Variants in RBP4 observed in about 807,000 individuals in gnomAD.
RBP4 encodes retinol binding protein 4, also known as retinol-binding protein 4.
In RBP4, 9 loss-of-function variants were observed where a neutral mutation model predicts 26.2. The ratio of observed to expected loss-of-function variants is 0.34; its 90% CI spans 0.21 to 0.60. The LOEUF is 0.60. Among genes scored for constraint, RBP4 ranks in the 20% least tolerant of loss-of-function variants. The pLI is 0.80. For synonymous variants in RBP4, 114 were observed against 111.0 expected (o/e 1.03, Z -0.17); for missense variants, 244 against 271.3 (o/e 0.90, Z 0.71).
At position 93,600,282 on chromosome 10, in the gene RBP4, C is replaced by A. The variant is rs564101819; in HGVS notation, c.355+111G>T. On this transcript the variant is annotated intron_variant, in intron 4 of 5. Transcript: ENST00000371464. Reference sequence around the variant, plus strand: ...CTGCGGGTTCCTGACACTTCCAGACCTTTCCGCAGGCCATTCTTCCTAAGG... The same window carrying A: ...CTGCGGGTTCCTGACACTTCCAGACATTTCCGCAGGCCATTCTTCCTAAGG... 102 of 980,548 alleles carry A rather than the reference C, an allele frequency of 1.0e-4. No homozygotes were observed. In the African/African-American group the frequency reaches 1.5e-3, roughly 14 times the overall value. 60.7% of individuals were successfully genotyped at this position (980,548 alleles called of 1,614,324 possible).
At chr10:93,593,729 T>C (rs2058281951) in intron 5 of RBP4, 94 bp downstream of exon 5, 1 of 1,393,226 alleles carries the variant, frequency 7.2e-7, no homozygotes. Context: ...TTCTCTGGGG[T>C]ACGGACAAAA....
chr10:93,598,749 A>G (rs1215314630), intron 4 of RBP4, among the ~76,000 whole-genome samples: 1 of 152,236 alleles, frequency 6.6e-6, no homozygotes, highest in African/African-American at 2.4e-5. Flanking sequence ...ATCCTAGTCC[A>G]TTAAGGAGCA....
At chr10:93,595,164 GA>G (rs139973394) in intron 4 of RBP4, among the ~76,000 whole-genome samples, 565 of 152,170 alleles carry the variant, frequency 3.7e-3, no homozygotes, top group African/African-American at 0.013. Context: ...AAGAAAAAAA[GA>G]ATGTATGTGA....
chr10:93,595,485 A>G (rs1295648176), intron 4 of RBP4, among the ~76,000 whole-genome samples: 2 of 152,236 alleles, frequency 1.3e-5, no homozygotes, highest in South Asian at 2.1e-4. Flanking sequence ...GTGATCCCAG[A>G]GCCCACATGC....
At position 93,600,941 on chromosome 10, in the gene RBP4, T is replaced by G; in HGVS notation, c.88A>C (p.Lys30Gln). Residue 30 changes from lysine (K) to glutamine (Q), a missense_variant, in exon 2 of 6, where the codon AAG becomes CAG. Transcript: ENST00000371464. The part of the protein sequence containing the change: ...RDCRVSSFRV[K>Q]ENFDKARFSG... The stretch of plus-strand genomic sequence containing the variant: ...ACGCGAGCCTTGTCGAAGTTCTCCT[T>G]GACTCGGAAGCTGCTCACTCGGCAG... 1 of 1,612,488 alleles carries G rather than the reference T, an allele frequency of 6.2e-7. No homozygotes were observed. The highest frequency in any genetic ancestry group is 8.5e-7 in the Non-Finnish European group (1 of 1,179,764).
chr10:93,598,259 T>A (rs1264581014), intron 4 of RBP4, among the ~76,000 whole-genome samples: 1 of 152,238 alleles, frequency 6.6e-6, no homozygotes, highest in African/African-American at 2.4e-5. Flanking sequence ...AAAGAACTCA[T>A]GTCTCAGGCA....
In RBP4 at chr10:93,601,044, G is replaced by C; in HGVS notation, c.-16C>G. On this transcript the variant is annotated splice_region_variant and 5_prime_UTR_variant, in exon 2 of 6. Coordinates refer to ENST00000371464, the MANE Select transcript of RBP4 (RefSeq NM_006744.4). ...CCCACTTCATCTTGCCCAGGAATCC[G>C]CCCTGCGGGAGACGCGCCTCCGTCA... 1 of 1,607,424 alleles carries C rather than the reference G, an allele frequency of 6.2e-7. No homozygotes were observed. The highest frequency in any genetic ancestry group is 1.3e-5 in the African/African-American group (1 of 75,016).
intron 5 of RBP4, among the ~76,000 whole-genome samples, chr10:93,592,426 C>T (rs2058273405): frequency 6.6e-6 from 1 of 152,172 alleles, no homozygotes; most frequent in Non-Finnish European, 1.5e-5. Context: ...AGGCCACCCT[C>T]AGCTTTCAGG....
chr10:93,597,150 G>A (rs1446718903), intron 4 of RBP4, among the ~76,000 whole-genome samples: 1 of 152,214 alleles, frequency 6.6e-6, no homozygotes, highest in Non-Finnish European at 1.5e-5. Context: ...CTGGGTTTGA[G>A]TCCAGAAATG....
intron 5 of RBP4, among the ~76,000 whole-genome samples, chr10:93,593,051 C>T (rs1205883124): frequency 6.6e-6 from 1 of 152,188 alleles, no homozygotes; most frequent in Non-Finnish European, 1.5e-5. Context: ...CTCCTGACCT[C>T]ATGTGATCAG....
At chr10:93,597,757 C>T (rs945459662) in intron 4 of RBP4, among the ~76,000 whole-genome samples, 7 of 152,260 alleles carry the variant, frequency 4.6e-5, no homozygotes, top group Middle Eastern at 3.4e-3. Context: ...TCTCCATAAG[C>T]GCACCTCATT....
chr10:93,592,821 TA>T, intron 5 of RBP4, among the ~76,000 whole-genome samples: 1 of 150,962 alleles, frequency 6.6e-6, no homozygotes, highest in South Asian at 2.1e-4. Context: ...TGATTATTAT[TA>T]TTATTATTTT....
At chr10:93,592,277 T>G (rs878988167) in intron 5 of RBP4, among the ~76,000 whole-genome samples, 165 bp from the exon 6 acceptor site, 1 of 152,358 alleles carries the variant, frequency 6.6e-6, no homozygotes, top group East Asian at 1.9e-4. Flanking sequence ...CTGTAATTCA[T>G]AAACACCTTC....
At chr10:93,592,144 A>G (rs770114862) in intron 5 of RBP4, 32 bp from the exon 6 acceptor site, 1 of 1,608,800 alleles carries the variant, frequency 6.2e-7, no homozygotes, top group Non-Finnish European at 8.5e-7. Context: ...CATTAACGAC[A>G]GAAAGTGGAC....
intron 5 of RBP4, 55 bp downstream of exon 5, chr10:93,593,768 G>GTCCAAACCCACTGCCC: frequency 6.3e-7 from 1 of 1,583,678 alleles, no homozygotes; most frequent in Non-Finnish European, 8.6e-7. Flanking sequence ...GGGCCCCTTA[G>GTCCAAACCCACTGCCC]TCCAAACCCA....
Position 93,601,044 on chromosome 10 carries a change from G to A in RBP4, c.-16C>T. 2.5e-6 allele frequency: 4 copies of A among 1,607,424 alleles called. No individual in the cohort carries two copies. Among genetic ancestry groups the A allele is most frequent in the Non-Finnish European group, 3.4e-6 (4 of 1,179,560 alleles). ...CCCACTTCATCTTGCCCAGGAATCC[G>A]CCCTGCGGGAGACGCGCCTCCGTCA... On this transcript the variant is annotated splice_region_variant and 5_prime_UTR_variant, in exon 2 of 6. Transcript: ENST00000371464.
chr10:93,600,856 G>T, intron 2 of RBP4, 53 bp from the exon 3 acceptor site: 1 of 1,596,272 alleles, frequency 6.3e-7, no homozygotes, highest in Non-Finnish European at 8.5e-7. Flanking sequence ...ACGGCGGGCC[G>T]CGGGGAGGGC....
chr10:93,596,187 G>A (rs1243276125), intron 4 of RBP4, among the ~76,000 whole-genome samples: 4 of 150,426 alleles, frequency 2.7e-5, no homozygotes, highest in East Asian at 1.9e-4. Context: ...TAGCTTGGCC[G>A]ATCGGCAGCT....
chr10:93,600,823 AG>A lies in RBP4; in HGVS notation c.112-21del, dbSNP rs756433072. The A allele has an allele frequency of 7.5e-7, 1 of 1,325,148 alleles. No individual in the cohort carries two copies. Among genetic ancestry groups the A allele is most frequent in the Non-Finnish European group, 9.9e-7 (1 of 1,009,058 alleles). 82.1% of individuals were successfully genotyped at this position (1,325,148 alleles called of 1,614,324 possible). Reference sequence around the variant, plus strand: ...AGAGAACTGTGAGAAGGATGACAGCAGGGGTTTGGCGTCCGGGGGCGCACGG... The same window carrying A: ...AGAGAACTGTGAGAAGGATGACAGCAGGGTTTGGCGTCCGGGGGCGCACGG... On this transcript the variant is annotated intron_variant, in intron 2 of 5. Transcript: ENST00000371464.
Sources: gnomAD v4.1 joint callset for allele counts (sites outside exome capture counted in the v4.1 genomes callset) on GRCh38, gnomAD v4.1.1 for gene constraint, MANE v1.5 for transcripts, NCBI Gene and HGNC (gene_info 2026-07-23, HGNC 2026-07-21) for gene names.